ARMH3: variants seen among roughly 807,000 people sequenced by gnomAD.
ARMH3 encodes armadillo-like helical domain-containing protein 3.
ARMH3 carries 60 observed loss-of-function variants against 99.1 expected under a neutral mutation model. The ratio of observed to expected loss-of-function variants is 0.61; its 90% CI spans 0.49 to 0.75. ARMH3 has a LOEUF of 0.75. ARMH3 is among the 30% of genes least tolerant of loss of function. The probability of loss-of-function intolerance (pLI) is 0.00; values close to 1 mark genes in which losing one functional copy is unlikely to be tolerated. For synonymous variants in ARMH3, 285 were observed against 292.8 expected, an observed-to-expected ratio of 0.97 and a Z score of 0.27; for missense variants, 679 against 843.1, an observed-to-expected ratio of 0.81 and a Z score of 2.41.
chr10:101,849,285 G>A (rs2066531072), intron 25 of ARMH3, among the ~76,000 whole-genome samples: 1 of 152,222 alleles, frequency 6.6e-6, no homozygotes, highest in Non-Finnish European at 1.5e-5. Flanking sequence ...GGGAACTTAA[G>A]TAGGAGGCAG....
At chr10:101,990,883 C>T (rs1245659036) in intron 18 of ARMH3, among the ~76,000 whole-genome samples, 1 of 152,188 alleles carries the variant, frequency 6.6e-6, no homozygotes, top group African/African-American at 2.4e-5. Flanking sequence ...TGGAAAATTT[C>T]ATTGTATAGA....
chr10:101,861,683 T>C (rs1252892317), intron 24 of ARMH3, among the ~76,000 whole-genome samples: 3 of 147,410 alleles, frequency 2.0e-5, no homozygotes, highest in South Asian at 2.1e-4. Context: ...TGAGCCAAGA[T>C]TGCACTACTA....
intron 15 of ARMH3, among the ~76,000 whole-genome samples, chr10:101,998,146 A>G (rs1245367363): frequency 6.6e-6 from 1 of 152,220 alleles, no homozygotes; most frequent in African/African-American, 2.4e-5. Context: ...TATAATCACT[A>G]AAGCTAAAAA....
In ARMH3 at chr10:102,049,816, C is replaced by G. The variant is rs913880461; in HGVS notation, c.-12+6269G>C. 1.5e-3 allele frequency among the ~76,000 whole-genome samples: 234 copies of G among 152,090 alleles called. 1 individual carries two copies. Among genetic ancestry groups the G allele is most frequent in the Non-Finnish European group, 2.4e-3 (161 of 67,996 alleles). ...AAGCAATCCTCCCACCTAGGCCCCC[C>G]AAAGTGCTAGAATTACAGGCATGAG... On this transcript the variant is annotated intron_variant, in intron 1 of 25. Transcript: ENST00000370033.
At chr10:101,955,615 T>C (rs1844994649) in intron 22 of ARMH3, among the ~76,000 whole-genome samples, 1 of 152,218 alleles carries the variant, frequency 6.6e-6, no homozygotes, top group South Asian at 2.1e-4. Context: ...CCTCTCCAGT[T>C]TCCTCATGAT....
intron 23 of ARMH3, among the ~76,000 whole-genome samples, chr10:101,936,678 G>C (rs1048197308): frequency 3.3e-5 from 5 of 151,802 alleles, no homozygotes; most frequent in African/African-American, 7.3e-5. Context: ...AAAAGTGAAA[G>C]TGGGGTCTCA....
In ARMH3 at chr10:102,006,607, C is replaced by A; in HGVS notation, c.981G>T (p.Thr327=). 6.2e-7 allele frequency: 1 copy of A among 1,613,820 alleles called. No individual in the cohort carries two copies. Among genetic ancestry groups the A allele is most frequent in the Non-Finnish European group, 8.5e-7 (1 of 1,179,884 alleles). The change falls in exon 14 of 26, where the codon ACG becomes ACT. Residue 327 remains threonine (T), a synonymous_variant. Coordinates refer to ENST00000370033, the MANE Select transcript of ARMH3 (RefSeq NM_024541.3). ...AQSHPEMGLV[T]TPVSPAPTTP... is the part of the protein sequence containing the mutation. ...TTGTAGGAGCAGGACTGACAGGGGT[C>A]GTCACCAAGCCCATTTCTGGATGGC... is the stretch of plus-strand genomic sequence containing the variant.
At chr10:102,009,145 T>C (rs1014049225) in intron 13 of ARMH3, among the ~76,000 whole-genome samples, 2 of 152,116 alleles carry the variant, frequency 1.3e-5, no homozygotes, top group South Asian at 2.1e-4. Flanking sequence ...GATCAATAAA[T>C]TGGCCAAAAA....
intron 23 of ARMH3, among the ~76,000 whole-genome samples, chr10:101,896,255 CAAACA>C (rs1264274610): frequency 1.3e-5 from 2 of 151,474 alleles, no homozygotes; most frequent in Non-Finnish European, 2.9e-5. Context: ...AACAAACAAA[CAAACA>C]AAACAATAAC....
At chr10:102,006,091 T>C (rs1232266719) in intron 14 of ARMH3, among the ~76,000 whole-genome samples, 1 of 152,264 alleles carries the variant, frequency 6.6e-6, no homozygotes, top group Non-Finnish European at 1.5e-5. Context: ...TCACTAATCT[T>C]AGGCAAACTG....
At chr10:101,910,132 T>C (rs768204310) in intron 23 of ARMH3, among the ~76,000 whole-genome samples, 4 of 152,142 alleles carry the variant, frequency 2.6e-5, no homozygotes, top group Admixed American at 6.5e-5. Context: ...ACACTGGAGA[T>C]TGGAATTTTC....
At position 101,847,078 on chromosome 10, in the gene ARMH3, G is replaced by C. The variant is rs1341512214; in HGVS notation, c.*450C>G. The C allele has an allele frequency of 6.2e-6, 1 of 161,166 alleles. No individual in the cohort carries two copies. The allele number at this position is 161,166 out of a possible 1,614,324, so 10.0% of individuals were successfully genotyped here. ...GGACACAGATTTCAAGCCAAGCACA[G>C]CCCCAGGCCCAAAGGAAGCAGGATG... On this transcript the variant is annotated 3_prime_UTR_variant, in exon 26 of 26. Coordinates refer to ENST00000370033, the MANE Select transcript of ARMH3 (RefSeq NM_024541.3).
intron 14 of ARMH3, among the ~76,000 whole-genome samples, chr10:102,005,878 A>G (rs911885978): frequency 1.3e-5 from 2 of 152,210 alleles, no homozygotes; most frequent in African/African-American, 2.4e-5. Context: ...ACTCCCAATT[A>G]TAATACACTC....
chr10:101,905,989 A>G (rs935416369), intron 23 of ARMH3, among the ~76,000 whole-genome samples: 5 of 152,174 alleles, frequency 3.3e-5, no homozygotes, highest in Non-Finnish European at 5.9e-5. Context: ...TCTAAATAAC[A>G]TATCACTTTG....
At chr10:101,914,629 G>T (rs2135565403) in intron 23 of ARMH3, among the ~76,000 whole-genome samples, 1 of 151,770 alleles carries the variant, frequency 6.6e-6, no homozygotes, top group East Asian at 1.9e-4. Context: ...ACTTTGGGAG[G>T]CCGAGGCAGG....
chr10:101,993,981 G>A (rs1365423966), intron 16 of ARMH3, among the ~76,000 whole-genome samples: 1 of 152,202 alleles, frequency 6.6e-6, no homozygotes, highest in Admixed American at 6.5e-5. Context: ...CAGGATTCAT[G>A]TGCAGGCTCC....
intron 24 of ARMH3, among the ~76,000 whole-genome samples, chr10:101,886,439 G>A (rs1296349624): frequency 6.6e-6 from 1 of 151,618 alleles, no homozygotes; most frequent in Non-Finnish European, 1.5e-5. Flanking sequence ...GAACCCAGGG[G>A]ACAGAGGCTG....
intron 1 of ARMH3, among the ~76,000 whole-genome samples, chr10:102,049,633 C>T (rs2067647273): frequency 6.7e-6 from 1 of 149,294 alleles, no homozygotes; most frequent in Non-Finnish European, 1.5e-5. Flanking sequence ...TGCAGTGGCA[C>T]AATCATGGCT....
intron 19 of ARMH3, among the ~76,000 whole-genome samples, chr10:101,985,078 T>TATACAC (rs756106324): frequency 7.3e-6 from 1 of 136,180 alleles, no homozygotes; most frequent in African/African-American, 2.7e-5. Context: ...AAAATATATA[T>TATACAC]ACACACACAC....
Sources: allele counts gnomAD v4.1 joint callset (sites outside exome capture counted in the v4.1 genomes callset), GRCh38; gene constraint gnomAD v4.1.1; transcripts MANE v1.5; gene names NCBI Gene and HGNC (gene_info 2026-07-23, HGNC 2026-07-21).